Variants in AUTS2 observed in about 807,000 individuals in gnomAD.
AUTS2 encodes the protein activator of transcription and developmental regulator AUTS2.
In AUTS2, 17 loss-of-function variants were observed where a neutral mutation model predicts 112.4. That is an observed-to-expected ratio of 0.15 (90% CI 0.10 to 0.23). The LOEUF (loss-of-function observed/expected upper bound fraction) is 0.23, where lower values mean the gene tolerates loss of function less well. Ranked by LOEUF, AUTS2 falls within the 10% of genes least tolerant of loss-of-function variation. The probability of loss-of-function intolerance (pLI) is 1.00; values close to 1 mark genes in which losing one functional copy is unlikely to be tolerated. For missense variants in AUTS2, 1,510 were observed against 1,701.6 expected (o/e 0.89, Z 1.98); for synonymous variants, 751 against 702.7 (o/e 1.07, Z -1.09).
chr7:70,440,423 A>T (rs186591631), intron 5 of AUTS2, among the ~76,000 whole-genome samples: 2 of 152,190 alleles, frequency 1.3e-5, no homozygotes, highest in African/African-American at 4.8e-5. Flanking sequence ...CTAAAAAAAT[A>T]AAAATATATG....
At chr7:70,668,910 G>A (rs540225133) in intron 5 of AUTS2, among the ~76,000 whole-genome samples, 4 of 152,292 alleles carry the variant, frequency 2.6e-5, no homozygotes, top group Non-Finnish European at 4.4e-5. Flanking sequence ...GCTGGGGAGA[G>A]GAGAGCCAGG....
chr7:70,500,871 C>T (rs998465885), intron 5 of AUTS2, among the ~76,000 whole-genome samples: 12 of 151,924 alleles, frequency 7.9e-5, no homozygotes, highest in East Asian at 1.9e-4. Context: ...TTCAGGCATC[C>T]GCCACCACGC....
At chr7:70,048,223 G>A (rs978715726) in intron 2 of AUTS2, among the ~76,000 whole-genome samples, 1 of 151,960 alleles carries the variant, frequency 6.6e-6, no homozygotes, top group African/African-American at 2.4e-5. Context: ...TGCATTCCTC[G>A]TGTCTCCAGC....
At chr7:69,776,834 G>A (rs1251999499) in intron 1 of AUTS2, among the ~76,000 whole-genome samples, 3 of 152,150 alleles carry the variant, frequency 2.0e-5, no homozygotes, top group Admixed American at 2.0e-4. Flanking sequence ...TTTATCTTCT[G>A]TTGTTCTTTA....
At chr7:70,486,082 G>A (rs1202716887) in intron 5 of AUTS2, among the ~76,000 whole-genome samples, 1 of 152,154 alleles carries the variant, frequency 6.6e-6, no homozygotes, top group East Asian at 1.9e-4. Context: ...TTTTGCAAGG[G>A]TTGATGACAT....
At chr7:70,685,491 A>AG (rs1437626842) in intron 5 of AUTS2, among the ~76,000 whole-genome samples, 2 of 148,468 alleles carry the variant, frequency 1.3e-5, no homozygotes, top group South Asian at 2.1e-4. Context: ...AAAAAAAAAA[A>AG]AAGAAGAAGA....
At chr7:70,769,194 G>A (rs1485862918) in intron 10 of AUTS2, among the ~76,000 whole-genome samples, 1 of 152,170 alleles carries the variant, frequency 6.6e-6, no homozygotes, top group Non-Finnish European at 1.5e-5. Flanking sequence ...TTAGAAAAGT[G>A]TATTTGAGTG....
intron 1 of AUTS2, among the ~76,000 whole-genome samples, chr7:69,777,779 C>CT (rs1156858507): frequency 2.0e-4 from 31 of 152,060 alleles, no homozygotes; most frequent in African/African-American, 7.2e-4. Context: ...TTGTAACACT[C>CT]TATGAAATGA....
At chr7:70,551,435 A>G (rs995224005) in intron 5 of AUTS2, among the ~76,000 whole-genome samples, 2 of 152,156 alleles carry the variant, frequency 1.3e-5, no homozygotes, top group African/African-American at 4.8e-5. Context: ...AAACAATGGC[A>G]TTTCACCTCT....
chr7:70,782,092 G>GAAAC (rs1270255790), intron 15 of AUTS2: 4 of 261,546 alleles, frequency 1.5e-5, no homozygotes, highest in Non-Finnish European at 2.9e-5. Flanking sequence ...AGATCGGAAG[G>GAAAC]AAACAATGCC....
intron 5 of AUTS2, among the ~76,000 whole-genome samples, chr7:70,508,591 C>G (rs1417030658): frequency 6.6e-6 from 1 of 152,136 alleles, no homozygotes; most frequent in African/African-American, 2.4e-5. Flanking sequence ...ACAATGAAGA[C>G]AGAAAGGGAC....
intron 2 of AUTS2, among the ~76,000 whole-genome samples, chr7:69,920,057 A>C (rs565988918): frequency 1.8e-5 from 1 of 54,476 alleles, no homozygotes; most frequent in African/African-American, 7.5e-5. Context: ...AGATAGTGTA[A>C]CTTTTTTGTT....
chr7:69,939,349 T>C (rs943534267), intron 2 of AUTS2, among the ~76,000 whole-genome samples: 3 of 152,188 alleles, frequency 2.0e-5, no homozygotes, highest in South Asian at 2.1e-4. Context: ...CTTAAACTAT[T>C]CTTATTTCCA....
At chr7:70,397,065 T>C (rs1794118471) in intron 4 of AUTS2, among the ~76,000 whole-genome samples, 1 of 141,264 alleles carries the variant, frequency 7.1e-6, no homozygotes, top group African/African-American at 2.6e-5. Context: ...CATTCTTTTA[T>C]TATTTTTTTT....
chr7:70,435,302 C>T (rs79702293), intron 4 of AUTS2, among the ~76,000 whole-genome samples: 1,682 of 152,274 alleles, frequency 0.011, 34 homozygotes, highest in African/African-American at 0.038. Flanking sequence ...AGAAAAGCAC[C>T]GGTAGAGATA....
chr7:70,379,790 A>T (rs1016952119), intron 4 of AUTS2, among the ~76,000 whole-genome samples: 3 of 152,226 alleles, frequency 2.0e-5, no homozygotes, highest in African/African-American at 4.8e-5. Context: ...TATGACATTT[A>T]CTTGAAGTGT....
intron 4 of AUTS2, among the ~76,000 whole-genome samples, chr7:70,188,667 G>A (rs1165305017): frequency 6.6e-6 from 1 of 152,154 alleles, no homozygotes; most frequent in Non-Finnish European, 1.5e-5. Flanking sequence ...AACTTTGTAC[G>A]AGAGTCACTC....
chr7:70,019,697 T>A (rs1800189569), intron 2 of AUTS2, among the ~76,000 whole-genome samples: 1 of 152,204 alleles, frequency 6.6e-6, no homozygotes, highest in Non-Finnish European at 1.5e-5. Context: ...CATAGAGTTG[T>A]TGAGACAGTT....
At chr7:69,703,706 G>A (rs1797927428) in intron 1 of AUTS2, among the ~76,000 whole-genome samples, 1 of 152,118 alleles carries the variant, frequency 6.6e-6, no homozygotes, top group Non-Finnish European at 1.5e-5. Context: ...CAGGGAAGAG[G>A]AACTATAAAC....
Sources: allele counts gnomAD v4.1 joint callset (sites outside exome capture counted in the v4.1 genomes callset), GRCh38; gene constraint gnomAD v4.1.1; transcripts MANE v1.5; gene names NCBI Gene and HGNC (gene_info 2026-07-23, HGNC 2026-07-21).